CTDSPL2: variants seen among roughly 807,000 people sequenced by gnomAD.
CTDSPL2 encodes the protein CTD small phosphatase like 2, also known as CTD small phosphatase-like protein 2.
A neutral mutation model predicts 60.0 loss-of-function variants in CTDSPL2; 5 were observed. The ratio of observed to expected loss-of-function variants is 0.08; its 90% confidence interval spans 0.04 to 0.18. CTDSPL2 has a LOEUF of 0.18. Ranked by LOEUF, CTDSPL2 falls within the 10% of genes least tolerant of loss-of-function variation. The pLI is 1.00. For missense variants in CTDSPL2, 370 were observed against 548.8 expected (o/e 0.67, Z 3.26); for synonymous variants, 186 against 189.3 (o/e 0.98, Z 0.14).
intron 10 of CTDSPL2, chr15:44,517,208 C>CT (rs1050927491): frequency 6.7e-6 from 1 of 150,246 alleles, no homozygotes; most frequent in Middle Eastern, 3.4e-3. Context: ...AAGGTAGACT[C>CT]TAAGAAATTC....
At chr15:44,434,937 C>G (rs1344910332) in intron 1 of CTDSPL2, among the ~76,000 whole-genome samples, 2 of 151,684 alleles carry the variant, frequency 1.3e-5, no homozygotes, top group African/African-American at 2.4e-5. Flanking sequence ...GACCACCTGT[C>G]TTTATCACAC....
intron 2 of CTDSPL2, among the ~76,000 whole-genome samples, chr15:44,459,992 C>T (rs1055683619): frequency 1.3e-5 from 2 of 152,152 alleles, no homozygotes; most frequent in Admixed American, 6.6e-5. Flanking sequence ...GAGTCATTTA[C>T]CCCCCAAGCC....
chr15:44,442,255 A>C (rs2141283053), intron 1 of CTDSPL2, among the ~76,000 whole-genome samples: 1 of 152,314 alleles, frequency 6.6e-6, no homozygotes, highest in East Asian at 1.9e-4. Context: ...GTTCGAGACC[A>C]GCATGGCCAA....
chr15:44,466,179 C>T (rs1269473457), intron 2 of CTDSPL2, among the ~76,000 whole-genome samples: 2 of 151,360 alleles, frequency 1.3e-5, no homozygotes, highest in Non-Finnish European at 3.0e-5. Flanking sequence ...TCAGATGATC[C>T]ACCCGCCTCA....
intron 8 of CTDSPL2, 93 bp from the exon 9 acceptor site, chr15:44,514,505 A>G: frequency 1.3e-6 from 1 of 777,602 alleles, no homozygotes; most frequent in East Asian, 2.5e-5. Flanking sequence ...GAACTTTTTC[A>G]TTATAATCAA....
chr15:44,490,204 C>T (rs1203181723), intron 4 of CTDSPL2, among the ~76,000 whole-genome samples: 2 of 152,060 alleles, frequency 1.3e-5, no homozygotes, highest in African/African-American at 2.4e-5. Flanking sequence ...GTACGATCAC[C>T]GTTCACTGCA....
At chr15:44,466,474 A>G (rs1428776857) in intron 2 of CTDSPL2, among the ~76,000 whole-genome samples, 1 of 152,184 alleles carries the variant, frequency 6.6e-6, no homozygotes, top group Non-Finnish European at 1.5e-5. Context: ...CACACACACA[A>G]GCATGTATTT....
chr15:44,429,624 T>A (rs1322876364), intron 1 of CTDSPL2, among the ~76,000 whole-genome samples: 1 of 152,102 alleles, frequency 6.6e-6, no homozygotes, highest in Non-Finnish European at 1.5e-5. Flanking sequence ...TCCCAGCACT[T>A]TGGGAGGCCA....
intron 3 of CTDSPL2, among the ~76,000 whole-genome samples, chr15:44,484,588 A>C (rs1257857195): frequency 6.6e-6 from 1 of 152,096 alleles, no homozygotes; most frequent in African/African-American, 2.4e-5. Flanking sequence ...CACACACAAA[A>C]AATTAGCCAG....
At chr15:44,506,025 CTTTTTTTTTTTT>C (rs753896129) in intron 8 of CTDSPL2, among the ~76,000 whole-genome samples, 3 of 117,580 alleles carry the variant, frequency 2.6e-5, no homozygotes, top group Non-Finnish European at 5.3e-5. Flanking sequence ...TCATTGGTAA[CTTTTTTTTTTTT>C]TTTTTTTTTT....
chr15:44,442,589 G>A (rs1214365373), intron 1 of CTDSPL2, among the ~76,000 whole-genome samples: 3 of 152,050 alleles, frequency 2.0e-5, no homozygotes, highest in South Asian at 2.1e-4. Context: ...TTAAAAAGGC[G>A]GGGTAGGAGG....
At chr15:44,487,605 G>A (rs151322736) in intron 4 of CTDSPL2, among the ~76,000 whole-genome samples, 1 of 152,318 alleles carries the variant, frequency 6.6e-6, no homozygotes, top group Non-Finnish European at 1.5e-5. Flanking sequence ...ATGCGTAGAG[G>A]CCTTGCAGCA....
At chr15:44,519,444 C>A (rs982704070) in intron 11 of CTDSPL2, 149 bp downstream of exon 11, 7 of 738,844 alleles carry the variant, frequency 9.5e-6, no homozygotes, top group Non-Finnish European at 1.3e-5. Flanking sequence ...TTAGAAATGA[C>A]AAAGTGGTAT....
At chr15:44,465,906 G>A (rs907376922) in intron 2 of CTDSPL2, among the ~76,000 whole-genome samples, 1 of 149,454 alleles carries the variant, frequency 6.7e-6, no homozygotes, top group Non-Finnish European at 1.5e-5. Context: ...GTAGAGACAG[G>A]GTTTCACCAT....
chr15:44,459,146 T>C lies in CTDSPL2; in HGVS notation c.132T>C (p.Asn44=), dbSNP rs1432455121. The C allele has an allele frequency of 6.2e-7, 1 of 1,612,704 alleles. No individual in the cohort carries two copies. Among genetic ancestry groups the C allele is most frequent in the East Asian group, 2.2e-5 (1 of 44,698 alleles). Residue 44 remains asparagine, a synonymous_variant, in exon 2 of 13, where the codon AAT becomes AAC. Coordinates refer to ENST00000260327, the MANE Select transcript of CTDSPL2 (RefSeq NM_016396.3). The part of the protein sequence containing the change: ...LPSGGEKPSK[N]ETGLLSSIKK... ...CAGGAGGAGAAAAACCATCGAAGAA[T>C]GAAACCGGCTTGTTGTCTTCAATTA...
At chr15:44,450,537 AC>A (rs1213199741) in intron 1 of CTDSPL2, among the ~76,000 whole-genome samples, 3 of 151,764 alleles carry the variant, frequency 2.0e-5, no homozygotes, top group Admixed American at 2.0e-4. Flanking sequence ...AAATAATGAA[AC>A]GTTTATCTGT....
At chr15:44,507,082 T>C (rs1300675858) in intron 8 of CTDSPL2, among the ~76,000 whole-genome samples, 1 of 150,686 alleles carries the variant, frequency 6.6e-6, no homozygotes, top group Non-Finnish European at 1.5e-5. Flanking sequence ...TGTTTGTTTT[T>C]TGTTTTTTTT....
intron 1 of CTDSPL2, among the ~76,000 whole-genome samples, chr15:44,434,952 T>G (rs975896615): frequency 2.0e-5 from 3 of 152,126 alleles, no homozygotes; most frequent in African/African-American, 7.2e-5. Context: ...TCACACACTT[T>G]GTTGTGAATA....
intron 8 of CTDSPL2, among the ~76,000 whole-genome samples, chr15:44,502,278 A>T (rs1244108352): frequency 6.6e-6 from 1 of 152,020 alleles, no homozygotes; most frequent in Non-Finnish European, 1.5e-5. Context: ...TTTTATATGT[A>T]AAGATCAAAT....
Sources: allele counts gnomAD v4.1 joint callset (sites outside exome capture counted in the v4.1 genomes callset), GRCh38; gene constraint gnomAD v4.1.1; transcripts MANE v1.5; gene names NCBI Gene and HGNC (gene_info 2026-07-23, HGNC 2026-07-21).